The following ST18 variants were observed in gnomAD, a reference collection of about 807,000 sequenced individuals.
The protein encoded by ST18 is ST18 C2H2C-type zinc finger transcription factor.
In ST18, 50 loss-of-function variants were observed where a neutral mutation model predicts 110.0. The ratio of observed to expected loss-of-function variants is 0.45; its 90% CI spans 0.36 to 0.58. ST18 has a LOEUF of 0.58. Among genes scored for constraint, ST18 ranks in the 20% least tolerant of loss-of-function variants. The pLI is 0.00. For synonymous variants in ST18, 461 were observed against 452.4 expected (o/e 1.02, Z -0.24); for missense variants, 1,306 against 1,280.1 (o/e 1.02, Z -0.31).
chr8:52,312,297 GC>G (rs1181049717), intron 2 of ST18, among the ~76,000 whole-genome samples: 2 of 152,156 alleles, frequency 1.3e-5, no homozygotes, highest in African/African-American at 4.8e-5. Context: ...GGAAGCACTT[GC>G]CATTTACTCT....
intron 2 of ST18, among the ~76,000 whole-genome samples, chr8:52,272,372 T>C (rs889650503): frequency 1.5e-4 from 22 of 145,622 alleles, no homozygotes; most frequent in Non-Finnish European, 8.8e-5. Context: ...AATAACCCAA[T>C]TTAAAAATAG....
chr8:52,302,882 C>A (rs1425576095), intron 2 of ST18, among the ~76,000 whole-genome samples: 1 of 152,070 alleles, frequency 6.6e-6, no homozygotes, highest in Admixed American at 6.5e-5. Flanking sequence ...AGAAACATCA[C>A]CATTTGTCAA....
chr8:52,300,370 A>C (rs1222344387), intron 2 of ST18, among the ~76,000 whole-genome samples: 1 of 152,246 alleles, frequency 6.6e-6, no homozygotes, highest in Non-Finnish European at 1.5e-5. Flanking sequence ...TTAGAAAACA[A>C]ATTTTAATAA....
At chr8:52,139,293 C>A (rs1170660915) in intron 17 of ST18, among the ~76,000 whole-genome samples, 1 of 151,620 alleles carries the variant, frequency 6.6e-6, no homozygotes, top group African/African-American at 2.4e-5. Context: ...AGAAATACAT[C>A]GCCATTTAGT....
intron 22 of ST18, among the ~76,000 whole-genome samples, chr8:52,128,541 AG>A (rs1420294959): frequency 1.3e-5 from 2 of 152,216 alleles, no homozygotes; most frequent in Non-Finnish European, 2.9e-5. Context: ...AGAGATTTAA[AG>A]CAAGGTTTGA....
chr8:52,137,153 C>G (rs755771975), intron 18 of ST18, among the ~76,000 whole-genome samples: 2 of 152,210 alleles, frequency 1.3e-5, no homozygotes, highest in Non-Finnish European at 2.9e-5. Context: ...ATTCCTCATT[C>G]CACATGAGTC....
At chr8:52,323,976 C>T (rs1396636935) in intron 2 of ST18, among the ~76,000 whole-genome samples, 3 of 152,258 alleles carry the variant, frequency 2.0e-5, no homozygotes, top group Admixed American at 6.5e-5. Flanking sequence ...CCCCTTACCA[C>T]TGGGGCACAT....
intron 2 of ST18, among the ~76,000 whole-genome samples, chr8:52,299,288 A>G (rs927655307): frequency 6.6e-6 from 1 of 152,042 alleles, no homozygotes; most frequent in African/African-American, 2.4e-5. Flanking sequence ...CATTTTAGGT[A>G]ATGTTTTTAG....
At chr8:52,138,110 A>AG (rs2053253939) in intron 17 of ST18, among the ~76,000 whole-genome samples, 1 of 151,206 alleles carries the variant, frequency 6.6e-6, no homozygotes, top group Non-Finnish European at 1.5e-5. Flanking sequence ...AAAAAAAAAA[A>AG]AGAAAAGAAA....
Position 52,256,662 on chromosome 8 carries a change from G to C in ST18, c.-464-26585C>G, listed in dbSNP as rs563264136. ...GGCAAATGTGGTTGCCACAGATACA[G>C]TGTGGTGACAACATGGATTTCTAGC... is the stretch of plus-strand genomic sequence containing the variant. On this transcript the variant is annotated intron_variant, in intron 2 of 25. Coordinates refer to ENST00000689386, the MANE Select transcript of ST18 (RefSeq NM_001352837.2). Among the ~76,000 whole-genome samples the C allele has an allele frequency of 2.0e-5, 3 of 152,304 alleles. No individual in the cohort carries two copies. In the South Asian group the frequency reaches 6.2e-4, roughly 32 times the overall value.
chr8:52,184,312 G>A (rs1387700623), intron 8 of ST18, among the ~76,000 whole-genome samples: 3 of 152,094 alleles, frequency 2.0e-5, no homozygotes, highest in Admixed American at 6.6e-5. Flanking sequence ...TAAACATCCA[G>A]CGTCCCCCAG....
At chr8:52,151,748 C>T (rs762636946) in intron 15 of ST18, among the ~76,000 whole-genome samples, 1 of 151,950 alleles carries the variant, frequency 6.6e-6, no homozygotes, top group Admixed American at 6.6e-5. Context: ...AAGTAAAATG[C>T]TAAATATTGT....
intron 2 of ST18, among the ~76,000 whole-genome samples, chr8:52,400,427 T>C (rs1215633670): frequency 6.6e-6 from 1 of 152,154 alleles, no homozygotes; most frequent in Non-Finnish European, 1.5e-5. Context: ...TAATAGTTAC[T>C]ATTGATAGGT....
chr8:52,336,105 G>T (rs529011095), intron 2 of ST18, among the ~76,000 whole-genome samples: 1 of 152,032 alleles, frequency 6.6e-6, no homozygotes, highest in South Asian at 2.1e-4. Context: ...TGCAGTGGAT[G>T]GGATTCTTCA....
Position 52,110,934 on chromosome 8 carries a change from C to A in ST18, c.*2264G>T. ...AAGAAATATTAAGTGTTTGGAGAAA[C>A]AGTATACAAACAAACTACCTCAAAT... is the stretch of plus-strand genomic sequence containing the variant. On this transcript the variant is annotated 3_prime_UTR_variant, in exon 26 of 26. Coordinates refer to ENST00000689386, the MANE Select transcript of ST18 (RefSeq NM_001352837.2). 1 of 397,358 alleles carries A rather than the reference C, an allele frequency of 2.5e-6. No individual in the cohort carries two copies. 24.6% of individuals were successfully genotyped at this position (397,358 alleles called of 1,614,324 possible).
chr8:52,114,216 C>T (rs372131704), intron 25 of ST18, among the ~76,000 whole-genome samples: 21 of 152,066 alleles, frequency 1.4e-4, no homozygotes, highest in African/African-American at 4.8e-4. Context: ...GTGACCCACC[C>T]GCTTCGGCCT....
At position 52,143,268 on chromosome 8, in the gene ST18, C is replaced by T. The variant is rs566801089; in HGVS notation, c.2053-223G>A. ...TTGGGAAGCCGAGGCAGGCGGATCA[C>T]GAGGTCAAGAGATTGAGACCATCCT... is the stretch of plus-strand genomic sequence containing the variant. On this transcript the variant is annotated intron_variant, in intron 16 of 25. Transcript: ENST00000689386. 5.9e-5 allele frequency among the ~76,000 whole-genome samples: 9 copies of T among 152,150 alleles called. No individual in the cohort carries two copies. In the South Asian group the frequency reaches 8.3e-4, roughly 14 times the overall value.
chr8:52,406,491 G>A (rs1195921217), intron 2 of ST18: 1 of 152,234 alleles, frequency 6.6e-6, no homozygotes, highest in Non-Finnish European at 1.5e-5. Context: ...GGAGTCCTTG[G>A]GGCCACCTAG....
chr8:52,203,998 A>G (rs1418496883), intron 8 of ST18, among the ~76,000 whole-genome samples: 1 of 152,224 alleles, frequency 6.6e-6, no homozygotes, highest in Non-Finnish European at 1.5e-5. Flanking sequence ...CTGGAAGCAT[A>G]TAAAATAGCA....
Sources: gnomAD v4.1 joint callset for allele counts (sites outside exome capture counted in the v4.1 genomes callset) on GRCh38, gnomAD v4.1.1 for gene constraint, MANE v1.5 for transcripts, NCBI Gene and HGNC (gene_info 2026-07-23, HGNC 2026-07-21) for gene names.